SP1: variants seen among roughly 807,000 people sequenced by gnomAD.
SP1 encodes the protein transcription factor Sp1.
A neutral mutation model predicts 66.3 loss-of-function variants in SP1; 6 were observed. That is an observed-to-expected ratio of 0.09 (90% CI 0.05 to 0.18). SP1 has a LOEUF of 0.18. Ranked by LOEUF, SP1 falls within the 10% of genes least tolerant of loss-of-function variation. The pLI is 1.00. For missense variants in SP1, 848 were observed against 964.5 expected (o/e 0.88, Z 1.60); for synonymous variants, 417 against 360.8 (o/e 1.16, Z -1.77).
At chr12:53,401,221 C>T (rs536729367) in intron 3 of SP1, among the ~76,000 whole-genome samples, 109 of 151,242 alleles carry the variant, frequency 7.2e-4, no homozygotes, top group African/African-American at 2.6e-3. Flanking sequence ...CAGGCCAAGG[C>T]GGGTGGATCA....
chr12:53,409,305 T>A (rs1324146716), intron 4 of SP1, 57 bp from the exon 5 acceptor site: 1 of 1,419,056 alleles, frequency 7.0e-7, no homozygotes, highest in Non-Finnish European at 9.8e-7. Flanking sequence ...GTTGATACTT[T>A]GTGGTTCTTT....
intron 2 of SP1, 33 bp downstream of exon 2, chr12:53,381,846 GAGA>G (rs752281056): frequency 1.3e-6 from 2 of 1,590,794 alleles, no homozygotes; most frequent in East Asian, 2.2e-5. Flanking sequence ...GGAAGGTGTT[GAGA>G]AGATGTAAAT....
chr12:53,387,012 G>A (rs1938245926), intron 3 of SP1, among the ~76,000 whole-genome samples: 1 of 146,622 alleles, frequency 6.8e-6, no homozygotes, highest in South Asian at 2.1e-4. Flanking sequence ...GTGCAGTGGT[G>A]CGATCTTGGC....
chr12:53,407,554 G>C (rs1362542002), intron 4 of SP1, among the ~76,000 whole-genome samples: 1 of 151,830 alleles, frequency 6.6e-6, no homozygotes, highest in Non-Finnish European at 1.5e-5. Flanking sequence ...TTCATCTCCT[G>C]ACTGTGTGAT....
At chr12:53,399,564 C>A (rs1054921029) in intron 3 of SP1, among the ~76,000 whole-genome samples, 28 of 152,172 alleles carry the variant, frequency 1.8e-4, no homozygotes, top group African/African-American at 6.3e-4. Flanking sequence ...ATCTCCTGAC[C>A]TTGTGATCCG....
chr12:53,403,354 CT>C (rs1299427420), intron 3 of SP1, among the ~76,000 whole-genome samples: 1 of 151,890 alleles, frequency 6.6e-6, no homozygotes, highest in Non-Finnish European at 1.5e-5. Context: ...TTATAGAAAT[CT>C]TTTTTGGTTT....
chr12:53,407,688 G>C (rs1938775948), intron 4 of SP1, among the ~76,000 whole-genome samples: 1 of 151,666 alleles, frequency 6.6e-6, no homozygotes, highest in African/African-American at 2.4e-5. Context: ...CCAGGCTGGA[G>C]TGCAGTGGCA....
At chr12:53,380,624 G>A (rs1229447158) in intron 1 of SP1, 15 of 1,004,902 alleles carry the variant, frequency 1.5e-5, no homozygotes, top group Non-Finnish European at 1.7e-5. Flanking sequence ...CTGGAGCCGC[G>A]GGGGCGGCCC....
intron 3 of SP1, among the ~76,000 whole-genome samples, chr12:53,394,353 C>G (rs956929390): frequency 1.3e-5 from 2 of 150,936 alleles, no homozygotes; most frequent in African/African-American, 4.9e-5. Context: ...TGGAAATTTT[C>G]CAAAAAATCA....
intron 3 of SP1, among the ~76,000 whole-genome samples, chr12:53,386,850 A>G (rs1938240140): frequency 6.6e-6 from 1 of 151,960 alleles, no homozygotes; most frequent in African/African-American, 2.4e-5. Flanking sequence ...CAATAAAAGG[A>G]TACACATACA....
chr12:53,408,586 A>G (rs1592572995), intron 4 of SP1, among the ~76,000 whole-genome samples: 1 of 149,964 alleles, frequency 6.7e-6, no homozygotes, highest in South Asian at 2.2e-4. Flanking sequence ...GTGAGCCATC[A>G]CTCCCAGCCC....
intron 3 of SP1, among the ~76,000 whole-genome samples, chr12:53,398,623 C>T (rs1938541670): frequency 6.6e-6 from 1 of 152,034 alleles, no homozygotes. Flanking sequence ...TTCTTGCTAC[C>T]ATAAACATTT....
At position 53,413,070 on chromosome 12, in the gene SP1, G is replaced by A. The variant is rs936536706; in HGVS notation, c.*1830G>A. 2.0e-5 allele frequency: 3 copies of A among 152,554 alleles called. No homozygotes were observed. Among genetic ancestry groups the A allele is most frequent in the African/African-American group, 4.8e-5 (2 of 41,410 alleles). The allele number at this position is 152,554 out of a possible 1,614,324, so 9.5% of individuals were successfully genotyped here. On this transcript the variant is annotated 3_prime_UTR_variant, in exon 6 of 6. Transcript: ENST00000327443. Reference sequence around the variant, plus strand: ...ATAGAAAGCAAGTGTTTTTGTATGTGTGGGTGAATGTGTGTTCATGCCCGT... The same window carrying A: ...ATAGAAAGCAAGTGTTTTTGTATGTATGGGTGAATGTGTGTTCATGCCCGT...
intron 3 of SP1, among the ~76,000 whole-genome samples, chr12:53,406,131 G>T (rs1938733522): frequency 7.1e-6 from 1 of 141,280 alleles, no homozygotes; most frequent in Non-Finnish European, 1.5e-5. Flanking sequence ...GAGTACAATG[G>T]TGCAGTCTCG....
chr12:53,380,593 T>G, intron 1 of SP1: 2 of 985,012 alleles, frequency 2.0e-6, no homozygotes, highest in Non-Finnish European at 2.4e-6. Flanking sequence ...GCCGCCCGCC[T>G]GAGGCTCCTC....
At chr12:53,406,068 T>TC (rs1463806148) in intron 3 of SP1, among the ~76,000 whole-genome samples, 2 of 134,366 alleles carry the variant, frequency 1.5e-5, no homozygotes, top group Non-Finnish European at 3.3e-5. Context: ...TTTCTTTCTT[T>TC]TTTTTTTTTT....
At position 53,411,885 on chromosome 12, in the gene SP1, T is replaced by TA. The variant is rs1938896899; in HGVS notation, c.*647dup. ...TGCTTTTAGTTCATATATACATACA[T>TA]AATGTTTTTCCTTTCTTAATTTTGT... On this transcript the variant is annotated 3_prime_UTR_variant, in exon 6 of 6. Transcript: ENST00000327443. The TA allele has an allele frequency of 6.6e-6, 1 of 152,640 alleles. No individual in the cohort carries two copies. Among genetic ancestry groups the TA allele is most frequent in the South Asian group, 2.1e-4 (1 of 4,822 alleles). 9.5% of individuals were successfully genotyped at this position (152,640 alleles called of 1,614,324 possible).
In SP1 at chr12:53,383,382, G is replaced by A. The variant is rs1938153451; in HGVS notation, c.1435G>A (p.Ala479Thr). 2 of 1,614,078 alleles carry A rather than the reference G, an allele frequency of 1.2e-6. No homozygotes were observed. Among genetic ancestry groups the A allele is most frequent in the African/African-American group, 1.3e-5 (1 of 74,934 alleles). The change falls in exon 3 of 6, where the codon GCC becomes ACC. Residue 479 changes from alanine (A) to threonine (T), a missense_variant. By Grantham distance (58) the Ala-to-Thr change is moderately conservative. Coordinates refer to ENST00000327443, the MANE Select transcript of SP1 (RefSeq NM_138473.3). The stretch of plus-strand genomic sequence containing the variant: ...GAACCTCCAAGTTCAGAACCCACAA[G>A]CCCAAACAATCACCTTAGCCCCAAT... ...LQNLQVQNPQAQTITLAPMQG... is the reference protein window; with the variant it reads ...LQNLQVQNPQTQTITLAPMQG...
chr12:53,397,874 A>G (rs186268620), intron 3 of SP1, among the ~76,000 whole-genome samples: 16 of 152,210 alleles, frequency 1.1e-4, no homozygotes, highest in Admixed American at 1.0e-3. Context: ...TTTTACTTGT[A>G]TCCTAGTTCA....
Sources: gnomAD v4.1 joint callset for allele counts (sites outside exome capture counted in the v4.1 genomes callset) on GRCh38, gnomAD v4.1.1 for gene constraint, MANE v1.5 for transcripts, NCBI Gene and HGNC (gene_info 2026-07-23, HGNC 2026-07-21) for gene names.